Variants in SFTPC observed in about 807,000 individuals in gnomAD.
SFTPC encodes BRICHOS domain containing 6.
In SFTPC, 12 loss-of-function variants were observed where a neutral mutation model predicts 19.9. The ratio of observed to expected loss-of-function variants is 0.60; its 90% confidence interval spans 0.39 to 0.98. The LOEUF is 0.98. SFTPC is among the 50% of genes least tolerant of loss of function. SFTPC has a pLI of 0.00. For missense variants in SFTPC, 219 were observed against 252.2 expected, an observed-to-expected ratio of 0.87 and a Z score of 0.89; for synonymous variants, 123 against 103.3, an observed-to-expected ratio of 1.19 and a Z score of -1.16.
Position 22,162,645 on chromosome 8 carries a change from C to CGTG in SFTPC, c.129_131dup (p.Val44dup), listed in dbSNP as rs752666425. On this transcript the variant is annotated inframe_insertion, in exon 2 of 6. Transcript: ENST00000679463. ...CAGTGCACCTGAAACGCCTTCTTAT[C>CGTG]GTGGTGGTGGTGGTGGTCCTCATCG... The CGTG allele has an allele frequency of 7.4e-5, 120 of 1,614,078 alleles. No homozygotes were observed. The highest frequency in any genetic ancestry group is 1.9e-4 in the African/African-American group (14 of 75,032).
At chr8:22,158,244 T>C (rs760873539), upstream of SFTPC, among the ~76,000 whole-genome samples, 9 of 152,208 alleles carry the variant, frequency 5.9e-5, no homozygotes, top group Non-Finnish European at 8.8e-5. Context: ...TTAAGTTGTG[T>C]TCTCCCAGCC....
chr8:22,158,440 C>T (rs1827584362), upstream of SFTPC, among the ~76,000 whole-genome samples: 1 of 152,168 alleles, frequency 6.6e-6, no homozygotes, highest in Non-Finnish European at 1.5e-5. Flanking sequence ...TGTCCCCACC[C>T]CTGCAGCTGA....
chr8:22,162,824 T>G, intron 2 of SFTPC, 92 bp downstream of exon 2: 1 of 1,533,108 alleles, frequency 6.5e-7, no homozygotes, highest in Admixed American at 1.7e-5. Flanking sequence ...CCAAGGGGAG[T>G]GGAGGGGAGG....
upstream of SFTPC, among the ~76,000 whole-genome samples, chr8:22,160,267 C>T (rs1303110360): frequency 9.9e-5 from 15 of 151,744 alleles, no homozygotes; most frequent in Non-Finnish European, 5.9e-5. Flanking sequence ...GACCGAAGGG[C>T]AGGGCCCAGG....
At chr8:22,158,368 G>C (rs1827580888), upstream of SFTPC, among the ~76,000 whole-genome samples, 1 of 152,158 alleles carries the variant, frequency 6.6e-6, no homozygotes, top group Admixed American at 6.5e-5. Flanking sequence ...GGGCAGCTGG[G>C]CAACTGTCCC....
At chr8:22,159,943 C>T (rs960221259), upstream of SFTPC, 52 of 827,978 alleles carry the variant, frequency 6.3e-5, no homozygotes, top group East Asian at 3.2e-4. Context: ...GCACTGCAGG[C>T]GAGCTGTCTC....
At position 22,163,610 on chromosome 8, in the gene SFTPC, G is replaced by A. The variant is rs150470549; in HGVS notation, c.435+64G>A. The A allele has an allele frequency of 2.5e-4, 283 of 1,150,048 alleles. 1 individual carries two copies. Among genetic ancestry groups the A allele is most frequent in the East Asian group, 2.3e-3 (97 of 42,600 alleles). The allele number at this position is 1,150,048 out of a possible 1,614,324, so 71.2% of individuals were successfully genotyped here. A position where few individuals can be genotyped will look rare whatever the true frequency, so the allele number is the denominator to read the frequency against. On this transcript the variant is annotated intron_variant, in intron 4 of 5. Transcript: ENST00000679463. ...CCCAGGGCTGCTGGGAGGAGTGTCCGAATGGTGGCTATTTGTCACCTGTAA... is the reference window on the plus strand; with the variant it reads ...CCCAGGGCTGCTGGGAGGAGTGTCCAAATGGTGGCTATTTGTCACCTGTAA...
chr8:22,162,777 A>T, intron 2 of SFTPC, 45 bp downstream of exon 2: 5 of 1,611,522 alleles, frequency 3.1e-6, no homozygotes, highest in Non-Finnish European at 4.2e-6. Flanking sequence ...GACATGCCAG[A>T]CAGCGGGGCT....
upstream of SFTPC, among the ~76,000 whole-genome samples, chr8:22,160,612 C>CAACAAAACAA (rs75669198): frequency 3.3e-5 from 5 of 151,720 alleles, no homozygotes; most frequent in Non-Finnish European, 7.4e-5. Context: ...CCCTGTCTCA[C>CAACAAAACAA]AACAAAACAA....
upstream of SFTPC, chr8:22,159,593 C>A: frequency 1.3e-5 from 5 of 391,396 alleles, no homozygotes; most frequent in Middle Eastern, 3.7e-4. Context: ...CAGCAGCAGC[C>A]GCCACAGAGC....
chr8:22,158,623 T>G (rs1827593966), upstream of SFTPC: 2 of 152,238 alleles, frequency 1.3e-5, no homozygotes, highest in South Asian at 4.1e-4. Context: ...ATGATGCTAA[T>G]GAGGATGACT....
rs547252810 is a variant in SFTPC at position 22,162,725 on chromosome 8, C to T, written c.194C>T (p.Thr65Met). Reference protein sequence around the residue: ...LMGLHMSQKHTEMVLEMSIGA... With the variant: ...LMGLHMSQKHMEMVLEMSIGA... The stretch of plus-strand genomic sequence containing the variant: ...GGTCTCCACATGAGCCAGAAACACA[C>T]GGAGATGGTGAGAGGTGTGGGATGC... The change falls in exon 2 of 6, where the codon ACG becomes ATG. Residue 65 changes from threonine to methionine, a missense_variant. Transcript: ENST00000679463. 3 of 1,614,054 alleles carry T rather than the reference C, an allele frequency of 1.9e-6. No homozygotes were observed. The highest frequency in any genetic ancestry group is 2.2e-5 in the East Asian group (1 of 44,868).
chr8:22,159,840 C>A, upstream of SFTPC: 1 of 1,289,418 alleles, frequency 7.8e-7, no homozygotes, highest in Non-Finnish European at 1.0e-6. Context: ...GCCCACCTGG[C>A]TCAGGCCCAG....
intron 3 of SFTPC, 98 bp downstream of exon 3, chr8:22,163,300 C>T: frequency 6.4e-7 from 1 of 1,573,658 alleles, no homozygotes; most frequent in Non-Finnish European, 8.7e-7. Flanking sequence ...TCTCCCTCTC[C>T]TCCAGACCTT....
chr8:22,161,970 C>G (rs1827747904), intron 1 of SFTPC, 100 bp downstream of exon 1: 4 of 1,222,176 alleles, frequency 3.3e-6, no homozygotes, highest in Non-Finnish European at 4.8e-6. Context: ...TTATCCAGAT[C>G]CATTCACTCA....
At chr8:22,164,226 G>GT in intron 5 of SFTPC, 40 bp from the exon 6 acceptor site, 1 of 1,535,782 alleles carries the variant, frequency 6.5e-7, no homozygotes, top group East Asian at 2.4e-5. Flanking sequence ...CCACTCCCCT[G>GT]ATTCTCTCTG....
upstream of SFTPC, among the ~76,000 whole-genome samples, chr8:22,160,795 C>T (rs769529278): frequency 4.6e-5 from 7 of 152,036 alleles, no homozygotes; most frequent in African/African-American, 7.3e-5. Context: ...GATTTGACCT[C>T]GTAAATACAT....
upstream of SFTPC, chr8:22,159,927 G>A (rs1035840400): frequency 4.2e-6 from 4 of 943,894 alleles, no homozygotes; most frequent in African/African-American, 5.1e-5. Flanking sequence ...GGGAGGGCAG[G>A]GGTGGGCACT....
upstream of SFTPC, chr8:22,159,109 T>C (rs575033240): frequency 3.3e-5 from 5 of 152,118 alleles, no homozygotes; most frequent in Admixed American, 3.3e-4. Flanking sequence ...CCTGTTTGGG[T>C]GGGTGGCATT....
Sources: gnomAD v4.1 joint callset for allele counts (sites outside exome capture counted in the v4.1 genomes callset) on GRCh38, gnomAD v4.1.1 for gene constraint, MANE v1.5 for transcripts, NCBI Gene and HGNC (gene_info 2026-07-23, HGNC 2026-07-21) for gene names.